Variants in RBFOX1 observed in about 807,000 individuals in gnomAD.
RBFOX1 encodes RNA binding protein fox-1 homolog 1.
In RBFOX1, 8 loss-of-function variants were observed where a neutral mutation model predicts 57.7. That is an observed-to-expected ratio of 0.14 (90% CI 0.08 to 0.25). The LOEUF (loss-of-function observed/expected upper bound fraction) is 0.25, where lower values mean the gene tolerates loss of function less well. Ranked by LOEUF, RBFOX1 falls within the 10% of genes least tolerant of loss-of-function variation. The probability of loss-of-function intolerance (pLI) is 1.00; values close to 1 mark genes in which losing one functional copy is unlikely to be tolerated. For missense variants in RBFOX1, 611 were observed against 548.5 expected, an observed-to-expected ratio of 1.11 and a Z score of -1.14; for synonymous variants, 326 against 222.4, an observed-to-expected ratio of 1.47 and a Z score of -4.15.
intron 2 of RBFOX1, among the ~76,000 whole-genome samples, chr16:6,624,061 G>T (rs116785158): frequency 6.6e-6 from 1 of 152,132 alleles, no homozygotes; most frequent in African/African-American, 2.4e-5. Flanking sequence ...TCCCTGTTAG[G>T]TGAAAATTCT....
At chr16:6,716,109 G>A (rs1440975295) in intron 3 of RBFOX1, among the ~76,000 whole-genome samples, 1 of 152,176 alleles carries the variant, frequency 6.6e-6, no homozygotes, top group Admixed American at 6.5e-5. Context: ...AATTAGATTG[G>A]CCTGAGGCAA....
At chr16:5,475,813 A>C (rs1015435931) in intron 2 of RBFOX1, among the ~76,000 whole-genome samples, 1 of 152,058 alleles carries the variant, frequency 6.6e-6, no homozygotes, top group Non-Finnish European at 1.5e-5. Flanking sequence ...TTTTATTTTT[A>C]TTTTAAGATG....
At chr16:6,042,534 C>G (rs1383131177) in intron 1 of RBFOX1, among the ~76,000 whole-genome samples, 2 of 152,096 alleles carry the variant, frequency 1.3e-5, no homozygotes, top group East Asian at 3.9e-4. Flanking sequence ...ATTTAATTTA[C>G]AGATATTTAC....
chr16:5,272,164 C>T (rs574386872), intron 1 of RBFOX1, among the ~76,000 whole-genome samples: 11 of 152,042 alleles, frequency 7.2e-5, no homozygotes, highest in African/African-American at 2.2e-4. Flanking sequence ...AGCACAGCAG[C>T]GTGACTATAG....
intron 4 of RBFOX1, among the ~76,000 whole-genome samples, chr16:7,295,490 A>G (rs2095871104): frequency 6.6e-6 from 1 of 152,164 alleles, no homozygotes; most frequent in African/African-American, 2.4e-5. Flanking sequence ...TATATATTAC[A>G]TGATTTTATC....
At chr16:5,603,150 C>T (rs534100276), downstream of RBFOX1, among the ~76,000 whole-genome samples, 1 of 152,208 alleles carries the variant, frequency 6.6e-6, no homozygotes, top group African/African-American at 2.4e-5. Flanking sequence ...TTGGCACTGT[C>T]TCCCAGAAAG....
At chr16:7,195,151 T>C (rs927133219) in intron 4 of RBFOX1, among the ~76,000 whole-genome samples, 1 of 152,200 alleles carries the variant, frequency 6.6e-6, no homozygotes. Flanking sequence ...GTGCCTCATA[T>C]TGCATTTCTT....
chr16:7,214,046 T>A (rs1010177622), intron 4 of RBFOX1, among the ~76,000 whole-genome samples: 2 of 151,714 alleles, frequency 1.3e-5, no homozygotes, highest in African/African-American at 4.9e-5. Flanking sequence ...TAGAAACTGG[T>A]CCTTTCTGGA....
At chr16:6,993,636 C>A (rs1455832132) in intron 3 of RBFOX1, among the ~76,000 whole-genome samples, 1 of 152,122 alleles carries the variant, frequency 6.6e-6, no homozygotes, top group African/African-American at 2.4e-5. Flanking sequence ...TCAGCCGGGC[C>A]ACTTCTTCAC....
chr16:7,269,174 G>C (rs79435494), intron 4 of RBFOX1, among the ~76,000 whole-genome samples: 6 of 151,620 alleles, frequency 4.0e-5, no homozygotes, highest in Non-Finnish European at 5.9e-5. Flanking sequence ...AGCAGTTTCC[G>C]GTTATTCCAG....
At chr16:6,425,159 C>A (rs937711784) in intron 2 of RBFOX1, among the ~76,000 whole-genome samples, 3 of 152,092 alleles carry the variant, frequency 2.0e-5, no homozygotes, top group African/African-American at 7.2e-5. Flanking sequence ...GAGCTGAAAT[C>A]TGAGTAGATA....
intron 1 of RBFOX1, among the ~76,000 whole-genome samples, chr16:5,394,214 G>C (rs1187759737): frequency 6.6e-6 from 1 of 152,078 alleles, no homozygotes; most frequent in Non-Finnish European, 1.5e-5. Context: ...AGTAGAGACA[G>C]GGCTTCACCA....
chr16:5,886,358 C>A (rs2057899632), intron 4 of RBFOX1, among the ~76,000 whole-genome samples: 1 of 152,108 alleles, frequency 6.6e-6, no homozygotes, highest in Admixed American at 6.5e-5. Context: ...TAGCCCAGTA[C>A]CCAGCAAAGT....
chr16:6,754,164 A>G (rs3919537), intron 3 of RBFOX1, among the ~76,000 whole-genome samples: 2 of 152,006 alleles, frequency 1.3e-5, no homozygotes, highest in African/African-American at 4.8e-5. Context: ...TTGAGTACAA[A>G]TTGATTGCAA....
Position 7,712,494 on chromosome 16 carries a change from T to G in RBFOX1, c.*1749T>G, listed in dbSNP as rs2084145587. The G allele has an allele frequency of 6.6e-6, 1 of 152,626 alleles. No homozygotes were observed. Among genetic ancestry groups the G allele is most frequent in the Non-Finnish European group, 1.5e-5 (1 of 68,042 alleles). The allele number at this position is 152,626 out of a possible 1,614,324, so 9.5% of individuals were successfully genotyped here. A position where few individuals can be genotyped will look rare whatever the true frequency, so the allele number is the denominator to read the frequency against. On this transcript the variant is annotated 3_prime_UTR_variant, in exon 16 of 16. Coordinates refer to ENST00000550418, the MANE Select transcript of RBFOX1 (RefSeq NM_018723.4). ...AACCATCAATAAAGTTTCACAAGAT[T>G]TGAAAACAAAGTTTCTGTAGCTTCG... is the stretch of plus-strand genomic sequence containing the variant.
At chr16:7,101,603 A>G (rs1819934554) in intron 4 of RBFOX1, among the ~76,000 whole-genome samples, 1 of 152,164 alleles carries the variant, frequency 6.6e-6, no homozygotes, top group South Asian at 2.1e-4. Context: ...TGACAGCTAT[A>G]AAGACTCTGA....
At chr16:6,891,126 T>C (rs190799786) in intron 3 of RBFOX1, among the ~76,000 whole-genome samples, 9 of 152,340 alleles carry the variant, frequency 5.9e-5, no homozygotes, top group Non-Finnish European at 1.0e-4. Context: ...CATTAGTGAC[T>C]TTCAGTTAAA....
intron 1 of RBFOX1, among the ~76,000 whole-genome samples, chr16:6,273,584 G>A (rs935479856): frequency 6.6e-6 from 1 of 151,918 alleles, no homozygotes; most frequent in Admixed American, 6.6e-5. Context: ...GACCTCAGGT[G>A]ATCCGCCCGC....
rs143809390 is a variant in RBFOX1, at chr16:6,954,538, C to T, written c.-15-97519C>T. 8.7e-3 allele frequency among the ~76,000 whole-genome samples: 1,318 copies of T among 152,196 alleles called. 10 individuals carry two copies. The highest frequency in any genetic ancestry group is 0.017 in the Middle Eastern group (5 of 294). On this transcript the variant is annotated intron_variant, in intron 3 of 15. Coordinates refer to ENST00000550418, the MANE Select transcript of RBFOX1 (RefSeq NM_018723.4). ...GGGGTAGTTGGGATAAAATACATGCCAACTGTCCTCACCTGTTGTCCACCC... is the reference window on the plus strand; with the variant it reads ...GGGGTAGTTGGGATAAAATACATGCTAACTGTCCTCACCTGTTGTCCACCC...
Sources: allele counts gnomAD v4.1 joint callset (sites outside exome capture counted in the v4.1 genomes callset), GRCh38; gene constraint gnomAD v4.1.1; transcripts MANE v1.5; gene names NCBI Gene and HGNC (gene_info 2026-07-23, HGNC 2026-07-21).